Variants in GALNT17 observed in about 807,000 individuals in gnomAD.
GALNT17 encodes the protein UDP-GalNAc:polypeptide N-acetylgalactosaminyltransferase-like 3.
GALNT17 carries 29 observed loss-of-function variants against 63.7 expected under a neutral mutation model. The observed-to-expected ratio is 0.46, with a 90% CI of 0.34 to 0.62. The LOEUF (loss-of-function observed/expected upper bound fraction) is 0.62, where lower values mean the gene tolerates loss of function less well. Among genes scored for constraint, GALNT17 ranks in the 20% least tolerant of loss-of-function variants. GALNT17 has a pLI of 0.01. For synonymous variants in GALNT17, 305 were observed against 318.3 expected (o/e 0.96, Z 0.45); for missense variants, 603 against 799.6 (o/e 0.75, Z 2.97).
chr7:71,380,814 T>A (rs1168382813), intron 2 of GALNT17, among the ~76,000 whole-genome samples: 2 of 151,960 alleles, frequency 1.3e-5, no homozygotes, highest in Non-Finnish European at 2.9e-5. Flanking sequence ...AGACAAAGAA[T>A]GGGTTGAGAG....
intron 5 of GALNT17, among the ~76,000 whole-genome samples, chr7:71,509,594 G>A (rs1788321814): frequency 6.6e-6 from 1 of 152,204 alleles, no homozygotes; most frequent in African/African-American, 2.4e-5. Flanking sequence ...TAGTCACATA[G>A]CTCATAAGTT....
chr7:71,352,048 C>T (rs1435674733), intron 2 of GALNT17, among the ~76,000 whole-genome samples: 1 of 152,068 alleles, frequency 6.6e-6, no homozygotes, highest in African/African-American at 2.4e-5. Context: ...ACCCAAATCT[C>T]ATCTTGAATT....
At chr7:71,299,003 C>G (rs1459989684) in intron 1 of GALNT17, among the ~76,000 whole-genome samples, 1 of 152,124 alleles carries the variant, frequency 6.6e-6, no homozygotes, top group Non-Finnish European at 1.5e-5. Flanking sequence ...AGTCACCACC[C>G]TTGCAACTGA....
intron 1 of GALNT17, among the ~76,000 whole-genome samples, chr7:71,226,927 T>C (rs1789690554): frequency 6.6e-6 from 1 of 151,710 alleles, no homozygotes; most frequent in African/African-American, 2.4e-5. Flanking sequence ...TGACAGTCCG[T>C]CCCCCCTCTA....
At chr7:71,686,198 G>A (rs538914361) in intron 9 of GALNT17, among the ~76,000 whole-genome samples, 38 of 152,046 alleles carry the variant, frequency 2.5e-4, no homozygotes, top group African/African-American at 8.4e-4. Context: ...CAGGTGATCC[G>A]CCTGCCTAGG....
intron 1 of GALNT17, among the ~76,000 whole-genome samples, chr7:71,160,373 G>C (rs1788319282): frequency 6.6e-6 from 1 of 152,132 alleles, no homozygotes; most frequent in South Asian, 2.1e-4. Context: ...TTCCTTCAAT[G>C]ATTTTGCCAT....
At chr7:71,245,111 G>T (rs1446729479) in intron 1 of GALNT17, among the ~76,000 whole-genome samples, 1 of 152,100 alleles carries the variant, frequency 6.6e-6, no homozygotes, top group Non-Finnish European at 1.5e-5. Context: ...TTGGCTCCTG[G>T]ATAATAAGTG....
intron 1 of GALNT17, among the ~76,000 whole-genome samples, chr7:71,245,058 C>G (rs1330033238): frequency 6.6e-6 from 1 of 152,180 alleles, no homozygotes; most frequent in African/African-American, 2.4e-5. Flanking sequence ...CCTAGCCCCA[C>G]TCTAGGACCT....
intron 6 of GALNT17, among the ~76,000 whole-genome samples, chr7:71,632,455 G>A (rs900278806): frequency 6.6e-6 from 1 of 152,214 alleles, no homozygotes; most frequent in East Asian, 1.9e-4. Flanking sequence ...GTGCTCTGAT[G>A]GGGTGAGAGT....
chr7:71,420,845 G>T (rs1365973273), intron 4 of GALNT17, 63 bp from the exon 5 acceptor site: 1 of 1,587,564 alleles, frequency 6.3e-7, no homozygotes, highest in Non-Finnish European at 8.6e-7. Context: ...ATTCCGTGTG[G>T]TCTTGGGAGG....
chr7:71,621,670 G>C (rs564319225), intron 6 of GALNT17, among the ~76,000 whole-genome samples: 9 of 152,204 alleles, frequency 5.9e-5, no homozygotes, highest in Non-Finnish European at 1.3e-4. Context: ...TCCTAGGCTA[G>C]ATGGATGGAT....
chr7:71,466,551 A>G (rs1357204270), intron 5 of GALNT17, among the ~76,000 whole-genome samples: 1 of 152,166 alleles, frequency 6.6e-6, no homozygotes. Context: ...TGCATTCTGT[A>G]GAGAATTCCC....
At chr7:71,572,007 C>A (rs980929591) in intron 6 of GALNT17, among the ~76,000 whole-genome samples, 1 of 151,232 alleles carries the variant, frequency 6.6e-6, no homozygotes, top group East Asian at 2.0e-4. Flanking sequence ...GCAAGAGAGA[C>A]CCTGTCTCTC....
At chr7:71,361,630 T>C (rs1434736841) in intron 2 of GALNT17, among the ~76,000 whole-genome samples, 1 of 152,212 alleles carries the variant, frequency 6.6e-6, no homozygotes, top group East Asian at 1.9e-4. Flanking sequence ...TGTCTGGCTA[T>C]AATACTTGGC....
At chr7:71,157,326 G>A (rs1438349074) in intron 1 of GALNT17, among the ~76,000 whole-genome samples, 1 of 151,492 alleles carries the variant, frequency 6.6e-6, no homozygotes, top group African/African-American at 2.4e-5. Flanking sequence ...TAAATTCCTG[G>A]CCTCTAGTAG....
intron 1 of GALNT17, among the ~76,000 whole-genome samples, chr7:71,158,875 A>G (rs1788287143): frequency 6.6e-6 from 1 of 151,806 alleles, no homozygotes; most frequent in African/African-American, 2.4e-5. Context: ...ACGCCCGGCA[A>G]TTTTTGTATT....
At chr7:71,365,944 G>A (rs1235238990) in intron 2 of GALNT17, among the ~76,000 whole-genome samples, 1 of 152,134 alleles carries the variant, frequency 6.6e-6, no homozygotes, top group African/African-American at 2.4e-5. Flanking sequence ...GGAGCCCTGA[G>A]CTTGTTTTCC....
intron 1 of GALNT17, among the ~76,000 whole-genome samples, chr7:71,265,098 T>TTATATATATATATATATATATATA (rs1554345967): frequency 4.6e-4 from 36 of 78,364 alleles, no homozygotes; most frequent in South Asian, 9.2e-4. Flanking sequence ...CCCATAAATA[T>TTATATATATATATATATATATATA]TATATATATA....
chr7:71,225,897 A>G (rs1178155264), intron 1 of GALNT17, among the ~76,000 whole-genome samples: 1 of 152,194 alleles, frequency 6.6e-6, no homozygotes, highest in Non-Finnish European at 1.5e-5. Context: ...ATGGTACACT[A>G]TTAGGTTAAA....
Sources: allele counts gnomAD v4.1 joint callset (sites outside exome capture counted in the v4.1 genomes callset), GRCh38; gene constraint gnomAD v4.1.1; transcripts MANE v1.5; gene names NCBI Gene and HGNC (gene_info 2026-07-23, HGNC 2026-07-21).